The following CD300A variants were observed in gnomAD, a reference collection of about 807,000 sequenced individuals.
CD300A encodes the protein CMRF35-like molecule 8.
In CD300A, 22 loss-of-function variants were observed where a neutral mutation model predicts 33.6. The observed-to-expected ratio is 0.66, with a 90% confidence interval of 0.47 to 0.94. The LOEUF is 0.94. Ranked by LOEUF, CD300A falls within the 40% of genes least tolerant of loss-of-function variation. CD300A has a pLI of 0.00. For synonymous variants in CD300A, 136 were observed against 148.1 expected, an observed-to-expected ratio of 0.92 and a Z score of 0.59; for missense variants, 326 against 360.5, an observed-to-expected ratio of 0.90 and a Z score of 0.77.
intron 1 of CD300A, 103 bp from the exon 2 acceptor site, chr17:74,473,433 G>A (rs1447606720): frequency 5.5e-6 from 6 of 1,094,508 alleles, no homozygotes; most frequent in East Asian, 4.8e-5. Context: ...TCTGCCTGCC[G>A]CTGCCTCCTC....
At chr17:74,468,423 C>T (rs761699253) in intron 1 of CD300A, among the ~76,000 whole-genome samples, 2 of 152,144 alleles carry the variant, frequency 1.3e-5, no homozygotes, top group Non-Finnish European at 2.9e-5. Flanking sequence ...GCCTCCACCT[C>T]CCGGGCTCAA....
chr17:74,481,817 T>C lies in CD300A; in HGVS notation c.758T>C (p.Val253Ala). Residue 253 changes from valine to alanine, a missense_variant, in exon 6 of 7, where the codon GTG (valine) becomes GCG (alanine). Transcript: ENST00000360141. ...EKPAPPREVE[V>A]EYSTVASPRE... ...CCAGCACCACCAAGGGAGGTGGAGG[T>C]GGAATACAGCACTGTGGTAAGTGCA... is the stretch of plus-strand genomic sequence containing the variant. The C allele has an allele frequency of 6.2e-7, 1 of 1,610,540 alleles. No homozygotes were observed. The highest frequency in any genetic ancestry group is 8.5e-7 in the Non-Finnish European group (1 of 1,178,782).
In CD300A at chr17:74,484,130, T is replaced by C; in HGVS notation, c.*4T>C. The C allele has an allele frequency of 6.2e-7, 1 of 1,613,116 alleles. No individual in the cohort carries two copies. The highest frequency in any genetic ancestry group is 2.2e-5 in the East Asian group (1 of 44,854). ...CAGTGTGATAAGGAAGACATAGGCTTTTGTCCTGCCTCGCCATCGGAGCTC... is the reference window on the plus strand; with the variant it reads ...CAGTGTGATAAGGAAGACATAGGCTCTTGTCCTGCCTCGCCATCGGAGCTC... On this transcript the variant is annotated 3_prime_UTR_variant, in exon 7 of 7. Coordinates refer to ENST00000360141, the MANE Select transcript of CD300A (RefSeq NM_007261.4).
intron 6 of CD300A, 107 bp downstream of exon 6, chr17:74,481,940 T>G: frequency 2.6e-6 from 2 of 770,462 alleles, no homozygotes; most frequent in Non-Finnish European, 4.3e-6. Context: ...GGTGATCTTG[T>G]GCCTGTCAGG....
intron 4 of CD300A, among the ~76,000 whole-genome samples, chr17:74,479,035 G>A (rs769937423): frequency 6.6e-6 from 1 of 152,070 alleles, no homozygotes; most frequent in Non-Finnish European, 1.5e-5. Flanking sequence ...GCTCCTCAAA[G>A]AGCCTCCTCC....
chr17:74,481,669 A>C, intron 5 of CD300A, 57 bp from the exon 6 acceptor site: 1 of 1,263,250 alleles, frequency 7.9e-7, no homozygotes, highest in South Asian at 1.3e-5. Context: ...GCAGAGACGC[A>C]GGGACAGAGG....
At chr17:74,481,402 C>A in intron 5 of CD300A, 76 bp downstream of exon 5, 2 of 1,378,860 alleles carry the variant, frequency 1.5e-6, no homozygotes, top group Non-Finnish European at 2.1e-6. Flanking sequence ...TTGGACAGTC[C>A]CATCGGCCAA....
At chr17:74,471,027 G>A (rs531844757) in intron 1 of CD300A, among the ~76,000 whole-genome samples, 25 of 151,694 alleles carry the variant, frequency 1.6e-4, no homozygotes, top group Non-Finnish European at 3.1e-4. Flanking sequence ...GCTCACTGCA[G>A]CCACAACCTC....
rs749255520 is a variant in CD300A, at chr17:74,477,498, T to C, written c.596T>C (p.Leu199Pro). ...LLLLLVGASL[L>P]AWRMFQKWIK... is the part of the protein sequence containing the mutation. Reference sequence around the variant, plus strand: ...CTTCTGTTGGTGGGGGCCTCCCTGCTAGCCTGGAGGATGTTTCAGAAATGG... The same window carrying C: ...CTTCTGTTGGTGGGGGCCTCCCTGCCAGCCTGGAGGATGTTTCAGAAATGG... The change falls in exon 4 of 7, where the codon CTA becomes CCA. Residue 199 changes from leucine (L) to proline (P), a missense_variant. Transcript: ENST00000360141. 6.2e-7 allele frequency: 1 copy of C among 1,613,394 alleles called. No homozygotes were observed. Among genetic ancestry groups the C allele is most frequent in the Non-Finnish European group, 8.5e-7 (1 of 1,179,874 alleles).
At chr17:74,467,354 T>C in intron 1 of CD300A, among the ~76,000 whole-genome samples, 1 of 152,026 alleles carries the variant, frequency 6.6e-6, no homozygotes. Flanking sequence ...TTGGCTGGGG[T>C]TAGCCCCTGC....
upstream of CD300A, chr17:74,466,574 A>G: frequency 1.8e-6 from 2 of 1,083,628 alleles, no homozygotes; most frequent in South Asian, 2.9e-5. Context: ...TAGAACCAAA[A>G]GAAGCTGAAC....
At chr17:74,481,592 G>T (rs532349345) in intron 5 of CD300A, 134 bp from the exon 6 acceptor site, 2 of 700,850 alleles carry the variant, frequency 2.9e-6, no homozygotes, top group Non-Finnish European at 2.5e-6. Flanking sequence ...TGGACGGAGT[G>T]GGGTGGAGGC....
Position 74,480,702 on chromosome 17 carries a change from G to GT in CD300A, c.629-583dup, listed in dbSNP as rs146968107. Among the ~76,000 whole-genome samples the GT allele has an allele frequency of 0.017, 2,570 of 152,252 alleles. 61 individuals carry two copies. The highest frequency in any genetic ancestry group is 0.099 in the East Asian group (513 of 5,168). On this transcript the variant is annotated intron_variant, in intron 4 of 6. Coordinates refer to ENST00000360141, the MANE Select transcript of CD300A (RefSeq NM_007261.4). This position sits in a 1 kb window ranked among gnomAD's most constrained non-coding sequence, Gnocchi z 4.2. ...GTGTGAGATCCCGTGTTGAGAGCTT[G>GT]TTTTGGTCCCTCTCCTCCAGCTGGG...
intron 1 of CD300A, among the ~76,000 whole-genome samples, chr17:74,469,627 C>A (rs1367180990): frequency 1.3e-5 from 2 of 152,138 alleles, no homozygotes; most frequent in East Asian, 3.9e-4. Context: ...GAGTTTGAGA[C>A]CAGCCTGGCC....
intron 3 of CD300A, among the ~76,000 whole-genome samples, chr17:74,476,631 C>T (rs1372586452): frequency 6.6e-6 from 1 of 152,184 alleles, no homozygotes; most frequent in Non-Finnish European, 1.5e-5. Context: ...GCCTCCTGGT[C>T]AATCTGCTGC....
At chr17:74,469,846 T>G (rs1029162150) in intron 1 of CD300A, 1 of 496,376 alleles carries the variant, frequency 2.0e-6, no homozygotes, top group South Asian at 8.7e-5. Flanking sequence ...AATAAAATAA[T>G]TAATCATTTA....
intron 3 of CD300A, among the ~76,000 whole-genome samples, chr17:74,477,114 C>G (rs1906517750): frequency 6.6e-6 from 1 of 152,110 alleles, no homozygotes; most frequent in African/African-American, 2.4e-5. Flanking sequence ...TGCCTGTCAT[C>G]CCAGCATTTT....
At chr17:74,466,834 A>C in intron 1 of CD300A, 91 bp downstream of exon 1, 1 of 1,547,098 alleles carries the variant, frequency 6.5e-7, no homozygotes, top group Non-Finnish European at 8.7e-7. Context: ...AGACGCCCCG[A>C]GTCTGGACTC....
chr17:74,480,290 C>T lies in CD300A; in HGVS notation c.629-999C>T, dbSNP rs1020465705. On this transcript the variant is annotated intron_variant, in intron 4 of 6. Transcript: ENST00000360141. The surrounding 1 kb of genome is among the most constrained non-coding windows in gnomAD (Gnocchi z 4.2). ...TTCTGGGGGAGGAGCCCACAGATCCCCACAGCATCCAGTGCAGTGGGCTCT... is the reference window on the plus strand; with the variant it reads ...TTCTGGGGGAGGAGCCCACAGATCCTCACAGCATCCAGTGCAGTGGGCTCT... Among the ~76,000 whole-genome samples the T allele has an allele frequency of 4.6e-5, 7 of 152,114 alleles. No homozygotes were observed. The highest frequency in any genetic ancestry group is 1.7e-4 in the African/African-American group (7 of 41,434).
Sources: gnomAD v4.1 joint callset for allele counts (sites outside exome capture counted in the v4.1 genomes callset) on GRCh38, gnomAD v4.1.1 for gene constraint, Gnocchi (gnomAD v3.1) non-coding constraint, MANE v1.5 for transcripts, NCBI Gene and HGNC (gene_info 2026-07-23, HGNC 2026-07-21) for gene names.